LIMCH1: variants seen among roughly 807,000 people sequenced by gnomAD.
LIMCH1 encodes LIM and calponin homology domains-containing protein 1.
In LIMCH1, 113 loss-of-function variants were observed where a neutral mutation model predicts 176.5. The observed-to-expected ratio is 0.64, with a 90% CI of 0.55 to 0.75. LIMCH1 has a LOEUF of 0.75. Ranked by LOEUF, LIMCH1 falls within the 30% of genes least tolerant of loss-of-function variation. LIMCH1 has a pLI of 0.00. For synonymous variants in LIMCH1, 619 were observed against 645.9 expected (o/e 0.96, Z 0.63); for missense variants, 1,674 against 1,814.9 (o/e 0.92, Z 1.41).
intron 1 of LIMCH1, among the ~76,000 whole-genome samples, chr4:41,493,285 TA>T (rs2071433094): frequency 6.6e-6 from 1 of 152,132 alleles, no homozygotes; most frequent in African/African-American, 2.4e-5. Context: ...TGTTGCTTTT[TA>T]AATTGTTAGT....
At chr4:41,367,219 T>C (rs1423445487) in intron 1 of LIMCH1, among the ~76,000 whole-genome samples, 2 of 152,190 alleles carry the variant, frequency 1.3e-5, no homozygotes, top group Non-Finnish European at 2.9e-5. Context: ...GGATGGCTAG[T>C]GTATCTCAGG....
chr4:41,602,094 T>C (rs1266032877), intron 2 of LIMCH1, among the ~76,000 whole-genome samples: 1 of 147,014 alleles, frequency 6.8e-6, no homozygotes, highest in Non-Finnish European at 1.5e-5. Flanking sequence ...TGTGTGTGTG[T>C]GTTTTCTTTT....
chr4:41,487,625 G>T (rs958181864), intron 1 of LIMCH1, among the ~76,000 whole-genome samples: 2 of 146,176 alleles, frequency 1.4e-5, no homozygotes, highest in Non-Finnish European at 3.0e-5. Flanking sequence ...AATTTAGGTT[G>T]TATGTGGGGC....
chr4:41,573,314 A>G (rs1431223322), intron 1 of LIMCH1, among the ~76,000 whole-genome samples: 3 of 152,242 alleles, frequency 2.0e-5, no homozygotes, highest in Non-Finnish European at 1.5e-5. Flanking sequence ...TTTAACTATG[A>G]TATGTAATCA....
At chr4:41,657,115 G>A (rs527564582) in intron 18 of LIMCH1, among the ~76,000 whole-genome samples, 1 of 152,354 alleles carries the variant, frequency 6.6e-6, no homozygotes, top group Non-Finnish European at 1.5e-5. Context: ...CGCATTCTCA[G>A]TTAAGGGGAA....
chr4:41,518,311 T>G (rs1226319666), intron 2 of LIMCH1, among the ~76,000 whole-genome samples: 2 of 152,194 alleles, frequency 1.3e-5, no homozygotes, highest in Non-Finnish European at 2.9e-5. Flanking sequence ...CTTGAAGAAC[T>G]ACTATATGGG....
chr4:41,653,724 G>A (rs949242609), intron 18 of LIMCH1, among the ~76,000 whole-genome samples: 7 of 152,366 alleles, frequency 4.6e-5, no homozygotes, highest in East Asian at 3.9e-4. Flanking sequence ...AAGGGATTGC[G>A]TGTGGAGCGT....
intron 7 of LIMCH1, among the ~76,000 whole-genome samples, chr4:41,623,409 A>G (rs2092719217): frequency 6.6e-6 from 1 of 152,202 alleles, no homozygotes; most frequent in Non-Finnish European, 1.5e-5. Context: ...TAGATGAACA[A>G]CAAAGCTTTA....
At chr4:41,669,927 G>C (rs2094955809) in intron 21 of LIMCH1, among the ~76,000 whole-genome samples, 2 of 152,110 alleles carry the variant, frequency 1.3e-5, no homozygotes, top group Non-Finnish European at 2.9e-5. Flanking sequence ...TTTCTATAAA[G>C]TCATCCATTC....
At chr4:41,461,897 A>T (rs1480966390) in intron 1 of LIMCH1, among the ~76,000 whole-genome samples, 1 of 152,236 alleles carries the variant, frequency 6.6e-6, no homozygotes, top group South Asian at 2.1e-4. Context: ...GAGCATGTGC[A>T]TCCCACAGCC....
At chr4:41,535,823 C>T (rs1367138235), upstream of LIMCH1, among the ~76,000 whole-genome samples, 1 of 152,134 alleles carries the variant, frequency 6.6e-6, no homozygotes, top group Non-Finnish European at 1.5e-5. Flanking sequence ...TATTCTGTGT[C>T]TCTGCAGAGG....
chr4:41,682,367 A>C lies in LIMCH1; in HGVS notation c.3752A>C (p.Lys1251Thr), dbSNP rs1716691117. Reference protein sequence around the residue: ...KIDLGNCQDEKQDRRWKKSFQ... With the variant: ...KIDLGNCQDETQDRRWKKSFQ... The stretch of plus-strand genomic sequence containing the variant: ...GACCTGGGAAACTGTCAAGATGAAA[A>C]ACAAGACAGAAGATGGAAGAAATCA... The change falls in exon 26 of 32, where the codon AAA becomes ACA. Residue 1251 changes from lysine (K) to threonine (T), a missense_variant. This residue lies in a region of LIMCH1 where 1,015 missense variants were observed against 1,102.5 expected (regional missense o/e 0.92). Transcript: ENST00000503057. 6.2e-7 allele frequency: 1 copy of C among 1,612,736 alleles called. No homozygotes were observed. The highest frequency in any genetic ancestry group is 1.7e-5 in the Admixed American group (1 of 59,966).
At chr4:41,427,957 A>C (rs551855491) in intron 1 of LIMCH1, among the ~76,000 whole-genome samples, 2 of 151,244 alleles carry the variant, frequency 1.3e-5, no homozygotes, top group East Asian at 3.9e-4. Flanking sequence ...AAAAAAAAAA[A>C]AGAAGAAGAA....
chr4:41,626,668 C>A (rs1161415498), intron 7 of LIMCH1, 40 bp from the exon 8 acceptor site: 1 of 1,482,752 alleles, frequency 6.7e-7, no homozygotes, highest in South Asian at 1.3e-5. Flanking sequence ...TTTTTTTTGT[C>A]TGATCACATG....
At chr4:41,433,300 G>T (rs546413751) in intron 1 of LIMCH1, among the ~76,000 whole-genome samples, 1 of 152,150 alleles carries the variant, frequency 6.6e-6, no homozygotes. Flanking sequence ...TCCAGTTTTG[G>T]GGGGGAAACA....
intron 18 of LIMCH1, among the ~76,000 whole-genome samples, chr4:41,659,245 A>T (rs2094545304): frequency 6.6e-6 from 1 of 152,186 alleles, no homozygotes; most frequent in Non-Finnish European, 1.5e-5. Flanking sequence ...ATATTAAAAT[A>T]TTACAAAATC....
intron 31 of LIMCH1, among the ~76,000 whole-genome samples, chr4:41,694,099 C>A (rs956471327): frequency 9.2e-5 from 14 of 152,086 alleles, no homozygotes; most frequent in African/African-American, 1.7e-4. Context: ...TTCCTGTAAT[C>A]AGCTGAAAAA....
intron 13 of LIMCH1, among the ~76,000 whole-genome samples, chr4:41,637,919 T>C (rs945706976): frequency 6.6e-6 from 1 of 152,190 alleles, no homozygotes; most frequent in Non-Finnish European, 1.5e-5. Flanking sequence ...TGGGACCAGG[T>C]AATTTTTGCT....
chr4:41,550,204 A>G (rs1192899755), intron 1 of LIMCH1, among the ~76,000 whole-genome samples: 1 of 151,548 alleles, frequency 6.6e-6, no homozygotes, highest in South Asian at 2.1e-4. Flanking sequence ...GTGAGACTCA[A>G]AATTTGATAT....
Sources: gnomAD v4.1 joint callset for allele counts (sites outside exome capture counted in the v4.1 genomes callset) on GRCh38, gnomAD v4.1.1 for gene constraint, gnomAD v4.1.1 regional missense constraint, MANE v1.5 for transcripts, NCBI Gene and HGNC (gene_info 2026-07-23, HGNC 2026-07-21) for gene names.